GALNT18: variants seen among roughly 807,000 people sequenced by gnomAD.
GALNT18 encodes polypeptide N-acetylgalactosaminyltransferase 18.
GALNT18 carries 44 observed loss-of-function variants against 69.5 expected under a neutral mutation model. The ratio of observed to expected loss-of-function variants is 0.63; its 90% CI spans 0.50 to 0.81. The LOEUF (loss-of-function observed/expected upper bound fraction) is 0.81, where lower values mean the gene tolerates loss of function less well. Ranked by LOEUF, GALNT18 falls within the 40% of genes least tolerant of loss-of-function variation. The pLI is 0.00. For synonymous variants in GALNT18, 364 were observed against 318.2 expected, an observed-to-expected ratio of 1.14 and a Z score of -1.53; for missense variants, 715 against 810.0, an observed-to-expected ratio of 0.88 and a Z score of 1.42.
At chr11:11,353,437 C>G (rs1850462965) in intron 6 of GALNT18, 1 of 466,116 alleles carries the variant, frequency 2.1e-6, no homozygotes, top group African/African-American at 1.9e-5. Flanking sequence ...CTTTCAATTG[C>G]TGTGAGGCAC....
intron 1 of GALNT18, among the ~76,000 whole-genome samples, chr11:11,457,254 G>A (rs571156667): frequency 6.6e-6 from 1 of 152,344 alleles, no homozygotes; most frequent in Non-Finnish European, 1.5e-5. Context: ...AAGGGGTATT[G>A]TAATGCTGCC....
intron 1 of GALNT18, among the ~76,000 whole-genome samples, chr11:11,458,530 G>A (rs954152548): frequency 3.9e-5 from 6 of 152,130 alleles, no homozygotes; most frequent in African/African-American, 7.2e-5. Context: ...ACTCCTGCCC[G>A]CTGACTTCCA....
rs75980338 is a variant in GALNT18, at chr11:11,403,406, G to T, written c.596-24142C>A. ...ACTCTGCAGTCACATCCACCCACTG[G>T]TTCCAAGTGTTTGCCCAGGGGAACT... On this transcript the variant is annotated intron_variant, in intron 3 of 10. Coordinates refer to ENST00000227756, the MANE Select transcript of GALNT18 (RefSeq NM_198516.3). 7.7e-3 allele frequency among the ~76,000 whole-genome samples: 1,180 copies of T among 152,270 alleles called. 18 individuals are homozygous for T. The highest frequency in any genetic ancestry group is 0.025 in the East Asian group (128 of 5,180).
chr11:11,442,791 C>A (rs1183518308), intron 2 of GALNT18, among the ~76,000 whole-genome samples: 1 of 152,216 alleles, frequency 6.6e-6, no homozygotes, highest in Non-Finnish European at 1.5e-5. Context: ...TAGCCCCACG[C>A]CCTAACCCAC....
chr11:11,473,400 G>C (rs943669682), intron 1 of GALNT18, among the ~76,000 whole-genome samples: 3 of 152,144 alleles, frequency 2.0e-5, no homozygotes, highest in Admixed American at 2.0e-4. Context: ...TGAAAGATTT[G>C]CCTTTCAATG....
At chr11:11,478,432 AAT>A (rs1194794897) in intron 1 of GALNT18, among the ~76,000 whole-genome samples, 1 of 152,202 alleles carries the variant, frequency 6.6e-6, no homozygotes, top group East Asian at 1.9e-4. Context: ...GAAGATAAGG[AAT>A]TAACGCAGGG....
intron 6 of GALNT18, chr11:11,352,503 T>C: frequency 1.9e-6 from 3 of 1,614,166 alleles, no homozygotes; most frequent in Non-Finnish European, 1.7e-6. Flanking sequence ...GTACATCTGA[T>C]AGTCTACAAG....
intron 2 of GALNT18, 36 bp downstream of exon 2, chr11:11,448,708 C>T (rs773584155): frequency 1.3e-6 from 2 of 1,566,800 alleles, no homozygotes; most frequent in East Asian, 2.2e-5. Flanking sequence ...TCCCCATAGG[C>T]AGGTCGACAA....
chr11:11,579,019 C>G (rs1859002626), intron 1 of GALNT18, among the ~76,000 whole-genome samples: 1 of 152,178 alleles, frequency 6.6e-6, no homozygotes, highest in South Asian at 2.1e-4. Flanking sequence ...AGGGCAGCAT[C>G]ACAGGGCAGC....
intron 6 of GALNT18, among the ~76,000 whole-genome samples, chr11:11,360,089 A>G (rs533871181): frequency 2.0e-5 from 3 of 152,236 alleles, no homozygotes; most frequent in African/African-American, 4.8e-5. Flanking sequence ...CACTTACTCC[A>G]CCGTACAACA....
At chr11:11,518,388 T>C (rs1288955971) in intron 1 of GALNT18, among the ~76,000 whole-genome samples, 1 of 152,274 alleles carries the variant, frequency 6.6e-6, no homozygotes, top group African/African-American at 2.4e-5. Flanking sequence ...TGGTTTTGTT[T>C]AGTTAAGCAC....
intron 1 of GALNT18, among the ~76,000 whole-genome samples, chr11:11,479,762 C>A (rs1856483085): frequency 6.6e-6 from 1 of 152,130 alleles, no homozygotes; most frequent in Admixed American, 6.5e-5. Context: ...AGCCTCTGGC[C>A]CCAGTCCTTC....
At chr11:11,484,361 G>T (rs1206263309) in intron 1 of GALNT18, among the ~76,000 whole-genome samples, 2 of 152,068 alleles carry the variant, frequency 1.3e-5, no homozygotes, top group East Asian at 3.9e-4. Context: ...GGGAGGCCGA[G>T]GTGGGCGGAT....
chr11:11,271,156 G>C lies in GALNT18; in HGVS notation c.1812C>G (p.Ser604Arg), dbSNP rs145266871. The C allele has an allele frequency of 1.4e-5, 23 of 1,611,816 alleles. No individual in the cohort carries two copies. Among genetic ancestry groups the C allele is most frequent in the Non-Finnish European group, 1.8e-5 (21 of 1,178,278 alleles). Reference protein sequence around the residue: ...QHWSITNVLRSLAS With the variant: ...QHWSITNVLRRLAS Reference sequence around the variant, plus strand: ...TGGCCCCGGTGGGTCAGGACGCGAGGCTCCTCAGGACGTTGGTGATGCTCC... The same window carrying C: ...TGGCCCCGGTGGGTCAGGACGCGAGCCTCCTCAGGACGTTGGTGATGCTCC... Residue 604 changes from serine to arginine, a missense_variant, in exon 11 of 11, where the codon AGC (serine) becomes AGG (arginine). Physicochemically the swap from Ser to Arg is moderately radical, Grantham distance 110. Coordinates refer to ENST00000227756, the MANE Select transcript of GALNT18 (RefSeq NM_198516.3).
intron 3 of GALNT18, among the ~76,000 whole-genome samples, chr11:11,410,936 T>C (rs1039182997): frequency 6.6e-6 from 1 of 152,206 alleles, no homozygotes; most frequent in Admixed American, 6.5e-5. Context: ...GACAGCCTCC[T>C]GCTAGGACAT....
chr11:11,388,107 T>C (rs1397319451), intron 3 of GALNT18, among the ~76,000 whole-genome samples: 1 of 152,200 alleles, frequency 6.6e-6, no homozygotes, highest in African/African-American at 2.4e-5. Context: ...ACAATCTTCC[T>C]GGGAAGCTGC....
intron 1 of GALNT18, among the ~76,000 whole-genome samples, chr11:11,506,556 C>G (rs545844546): frequency 6.6e-6 from 1 of 152,326 alleles, no homozygotes; most frequent in African/African-American, 2.4e-5. Flanking sequence ...GCTCAGGCTT[C>G]CTGGAGTAGT....
intron 9 of GALNT18, among the ~76,000 whole-genome samples, chr11:11,312,480 G>T (rs1849688179): frequency 6.6e-6 from 1 of 152,176 alleles, no homozygotes; most frequent in Non-Finnish European, 1.5e-5. Context: ...ACTTTCCAAA[G>T]AATGGTGGGT....
intron 10 of GALNT18, among the ~76,000 whole-genome samples, chr11:11,272,271 T>G (rs1167780944): frequency 1.3e-5 from 2 of 152,210 alleles, no homozygotes; most frequent in East Asian, 3.8e-4. Context: ...GTCCTGGCAA[T>G]TCTACCTCTC....
Sources: allele counts gnomAD v4.1 joint callset (sites outside exome capture counted in the v4.1 genomes callset), GRCh38; gene constraint gnomAD v4.1.1; transcripts MANE v1.5; gene names NCBI Gene and HGNC (gene_info 2026-07-23, HGNC 2026-07-21).